CREB1: variants seen among roughly 807,000 people sequenced by gnomAD.
The protein encoded by CREB1 is cAMP responsive element binding protein 1, also known as cyclic AMP-responsive element-binding protein 1.
CREB1 carries 2 observed loss-of-function variants against 42.0 expected under a neutral mutation model. The observed-to-expected ratio is 0.05, with a 90% CI of 0.02 to 0.15. The LOEUF (loss-of-function observed/expected upper bound fraction) is 0.15, where lower values mean the gene tolerates loss of function less well. CREB1 is among the 10% of genes least tolerant of loss of function. CREB1 has a pLI of 1.00. For synonymous variants in CREB1, 123 were observed against 139.9 expected, an observed-to-expected ratio of 0.88 and a Z score of 0.85; for missense variants, 199 against 388.9, an observed-to-expected ratio of 0.51 and a Z score of 4.11.
rs1370525149 is a variant in CREB1 at position 207,570,222 on chromosome 2, A to G, written c.406A>G (p.Arg136Gly). ...DLSSDAPGVPRIEEEKSEEET... is the reference protein window; with the variant it reads ...DLSSDAPGVPGIEEEKSEEET... ...ATCTTCTGATGCACCAGGAGTGCCA[A>G]GGATTGAAGAAGAGAAGTCTGAAGA... The change falls in exon 5 of 8, where the codon AGG becomes GGG. Residue 136 changes from arginine to glycine, a missense_variant. This residue lies in a region of CREB1 where 66 missense variants were observed against 150.8 expected (regional missense o/e 0.44). Coordinates refer to ENST00000353267, the MANE Select transcript of CREB1 (RefSeq NM_004379.5). 1.2e-6 allele frequency: 2 copies of G among 1,613,572 alleles called. No individual in the cohort carries two copies. Among genetic ancestry groups the G allele is most frequent in the African/African-American group, 1.3e-5 (1 of 75,022 alleles).
intron 1 of CREB1, among the ~76,000 whole-genome samples, chr2:207,539,207 A>ATTTTTT (rs528614868): frequency 4.5e-5 from 6 of 132,976 alleles, no homozygotes; most frequent in African/African-American, 5.6e-5. Flanking sequence ...TACCTGGCTA[A>ATTTTTT]TTTTTTTTTT....
Position 207,560,382 on chromosome 2 carries a change from T to C in CREB1, c.261+10T>C, listed in dbSNP as rs201993646. On this transcript the variant is annotated intron_variant, in intron 3 of 7. Coordinates refer to ENST00000353267, the MANE Select transcript of CREB1 (RefSeq NM_004379.5). ...AGTCCAAACAGTTCAGGTATGTGTA[T>C]AAAAAGTTCTGCATCTATTTTAATA... 5.6e-5 allele frequency: 90 copies of C among 1,603,584 alleles called. No individual in the cohort carries two copies. The highest frequency in any genetic ancestry group is 2.7e-4 in the South Asian group (24 of 89,948).
intron 1 of CREB1, among the ~76,000 whole-genome samples, chr2:207,530,858 TC>T (rs1301619847): frequency 1.3e-5 from 2 of 150,226 alleles, no homozygotes; most frequent in East Asian, 2.0e-4. Context: ...TCGTGCCCTT[TC>T]CCCCCCGCTC....
intron 1 of CREB1, among the ~76,000 whole-genome samples, chr2:207,532,960 C>A (rs2080712537): frequency 6.6e-6 from 1 of 152,054 alleles, no homozygotes; most frequent in Non-Finnish European, 1.5e-5. Context: ...TGATTCTTAG[C>A]AATTCCAGGT....
At chr2:207,538,066 T>C (rs984020113) in intron 1 of CREB1, among the ~76,000 whole-genome samples, 3 of 152,234 alleles carry the variant, frequency 2.0e-5, no homozygotes, top group African/African-American at 7.2e-5. Flanking sequence ...TGAAACAGTT[T>C]TGACTGTGAA....
intron 7 of CREB1, among the ~76,000 whole-genome samples, chr2:207,582,429 ATTT>A (rs2083087067): frequency 1.3e-5 from 2 of 152,148 alleles, no homozygotes; most frequent in African/African-American, 2.4e-5. Flanking sequence ...TCTCCACATT[ATTT>A]ATTTTATCAA....
chr2:207,563,414 A>G (rs2082025112), intron 3 of CREB1, among the ~76,000 whole-genome samples: 1 of 152,238 alleles, frequency 6.6e-6, no homozygotes, highest in South Asian at 2.1e-4. Context: ...ACCCCTTCCT[A>G]TTAACATGGA....
intron 5 of CREB1, chr2:207,571,794 A>G (rs2082376021): frequency 2.2e-6 from 1 of 448,612 alleles, no homozygotes; most frequent in Non-Finnish European, 4.5e-6. Flanking sequence ...AGAGATTCTC[A>G]CTTGAACTAG....
intron 3 of CREB1, among the ~76,000 whole-genome samples, chr2:207,560,654 CTG>C (rs1049407566): frequency 2.0e-5 from 3 of 152,140 alleles, no homozygotes; most frequent in Non-Finnish European, 4.4e-5. Flanking sequence ...TTGGGAGAAA[CTG>C]TAGGACTGAA....
chr2:207,574,797 T>G (rs2082509939), intron 5 of CREB1, among the ~76,000 whole-genome samples: 2 of 152,192 alleles, frequency 1.3e-5, no homozygotes, highest in South Asian at 4.1e-4. Context: ...ATGAACTGCT[T>G]TATTAGTTAT....
chr2:207,581,854 T>G, intron 7 of CREB1: 1 of 702,962 alleles, frequency 1.4e-6, no homozygotes, highest in Non-Finnish European at 2.6e-6. Flanking sequence ...TGTGAAAGTT[T>G]GTTTCCTTGT....
At chr2:207,554,048 A>G (rs556763628) in intron 1 of CREB1, among the ~76,000 whole-genome samples, 21 of 152,296 alleles carry the variant, frequency 1.4e-4, no homozygotes, top group Admixed American at 3.3e-4. Context: ...TATGATTTAA[A>G]AAATTTTACA....
intron 1 of CREB1, among the ~76,000 whole-genome samples, chr2:207,537,014 A>G (rs967318088): frequency 2.6e-5 from 4 of 151,534 alleles, no homozygotes; most frequent in African/African-American, 4.8e-5. Context: ...ACTGTGTGCT[A>G]TTTGTACCTG....
At chr2:207,596,806 A>C in intron 7 of CREB1, 108 bp from the exon 8 acceptor site, 7 of 1,246,722 alleles carry the variant, frequency 5.6e-6, no homozygotes, top group Non-Finnish European at 7.9e-6. Flanking sequence ...ATATACTAAA[A>C]TGTTGGTTGC....
chr2:207,587,310 G>A (rs1341984613), intron 7 of CREB1, among the ~76,000 whole-genome samples: 5 of 151,124 alleles, frequency 3.3e-5, no homozygotes, highest in Admixed American at 6.6e-5. Flanking sequence ...GGAGAATGGC[G>A]TGAACCCGGA....
intron 3 of CREB1, among the ~76,000 whole-genome samples, chr2:207,563,247 A>G (rs561428709): frequency 1.3e-5 from 2 of 152,312 alleles, no homozygotes; most frequent in African/African-American, 2.4e-5. Flanking sequence ...TGAGGAGGGA[A>G]GTGATTGGAG....
rs2087862260 is a variant in CREB1 at position 207,605,064 on chromosome 2, T to C, written c.*8006T>C. On this transcript the variant is annotated 3_prime_UTR_variant, in exon 8 of 8. Coordinates refer to ENST00000353267, the MANE Select transcript of CREB1 (RefSeq NM_004379.5). ...TGTACAAGTATTTGAGTCCGTGTTTTCAATTATTTGGGGTATATGCCTGGG... is the reference window on the plus strand; with the variant it reads ...TGTACAAGTATTTGAGTCCGTGTTTCCAATTATTTGGGGTATATGCCTGGG... 6.6e-6 allele frequency among the ~76,000 whole-genome samples: 1 copy of C among 152,236 alleles called. No individual in the cohort carries two copies. Among genetic ancestry groups the C allele is most frequent in the Non-Finnish European group, 1.5e-5 (1 of 68,040 alleles).
chr2:207,530,593 G>A (rs1397037788), intron 1 of CREB1, among the ~76,000 whole-genome samples: 2 of 147,642 alleles, frequency 1.4e-5, no homozygotes, highest in East Asian at 2.0e-4. Context: ...GGCCCCCGCC[G>A]CCCGCCTCGC....
intron 1 of CREB1, among the ~76,000 whole-genome samples, chr2:207,536,053 T>C (rs1372968632): frequency 6.6e-6 from 1 of 152,022 alleles, no homozygotes; most frequent in Non-Finnish European, 1.5e-5. Context: ...GCTCAAGCCA[T>C]CCACCTGCCT....
Sources: allele counts gnomAD v4.1 joint callset (sites outside exome capture counted in the v4.1 genomes callset), GRCh38; gene constraint gnomAD v4.1.1; regional missense constraint gnomAD v4.1.1; transcripts MANE v1.5; gene names NCBI Gene and HGNC (gene_info 2026-07-23, HGNC 2026-07-21).